The following TNFRSF1B variants were observed in gnomAD, a reference collection of about 807,000 sequenced individuals.
TNFRSF1B encodes the protein TNF receptor superfamily member 1B, also known as tumor necrosis factor receptor superfamily member 1B.
In TNFRSF1B, 19 loss-of-function variants were observed where a neutral mutation model predicts 44.6. The observed-to-expected ratio is 0.43, with a 90% CI of 0.30 to 0.62. The LOEUF (loss-of-function observed/expected upper bound fraction) is 0.62, where lower values mean the gene tolerates loss of function less well. TNFRSF1B is among the 20% of genes least tolerant of loss of function. The probability of loss-of-function intolerance (pLI) is 0.16; values close to 1 mark genes in which losing one functional copy is unlikely to be tolerated. For synonymous variants in TNFRSF1B, 252 were observed against 261.1 expected (o/e 0.97, Z 0.34); for missense variants, 541 against 619.9 (o/e 0.87, Z 1.35).
intron 4 of TNFRSF1B, 52 bp from the exon 5 acceptor site, chr1:12,192,379 G>C (rs768823607): frequency 1.3e-6 from 2 of 1,586,568 alleles, no homozygotes; most frequent in South Asian, 1.1e-5. Context: ...CCAAGGCCCA[G>C]CTGTCCCGCA....
At position 12,167,045 on chromosome 1, in the gene TNFRSF1B, G is replaced by A. The variant is rs946196298; in HGVS notation, c.-47G>A. The A allele has an allele frequency of 7.1e-5, 87 of 1,226,812 alleles. No homozygotes were observed. The East Asian group carries it at 2.8e-3, about 39-fold the overall frequency. The allele number at this position is 1,226,812 out of a possible 1,614,324, so 76.0% of individuals were successfully genotyped here. Reference sequence around the variant, plus strand: ...TGGAGAGAAGGCGCTGGGCTGCGAGGGCGCGAGGGCGCGAGGGCAGGGGGC... The same window carrying A: ...TGGAGAGAAGGCGCTGGGCTGCGAGAGCGCGAGGGCGCGAGGGCAGGGGGC... On this transcript the variant is annotated 5_prime_UTR_variant, in exon 1 of 10. Coordinates refer to ENST00000376259, the MANE Select transcript of TNFRSF1B (RefSeq NM_001066.3).
At chr1:12,194,069 C>T in intron 7 of TNFRSF1B, 37 bp downstream of exon 7, 1 of 1,589,094 alleles carries the variant, frequency 6.3e-7, no homozygotes, top group Non-Finnish European at 8.6e-7. Flanking sequence ...TCCACTTGTT[C>T]AGGAAGCTTT....
Position 12,182,453 on chromosome 1 carries a change from G to A in TNFRSF1B, c.79-6343G>A, listed in dbSNP as rs115537730. On this transcript the variant is annotated intron_variant, in intron 1 of 9. Coordinates refer to ENST00000376259, the MANE Select transcript of TNFRSF1B (RefSeq NM_001066.3). ...CACCACCTTGAATTCTCTATTGAAC[G>A]TGCATGTGTCTCCCCAGCTAAGATG... Among the ~76,000 whole-genome samples, 714 of 152,278 alleles carry A rather than the reference G, an allele frequency of 4.7e-3. 8 individuals are homozygous for A. Among genetic ancestry groups the A allele is most frequent in the African/African-American group, 0.016 (649 of 41,540 alleles).
Position 12,192,235 on chromosome 1 carries a change from T to C in TNFRSF1B, c.458-196T>C, listed in dbSNP as rs938831680. 57 of 710,474 alleles carry C rather than the reference T, an allele frequency of 8.0e-5. 1 individual carries two copies. The South Asian group carries it at 8.4e-4, about 10-fold the overall frequency. 44.0% of individuals were successfully genotyped at this position (710,474 alleles called of 1,614,324 possible). A position where few individuals can be genotyped will look rare whatever the true frequency, so the allele number is the denominator to read the frequency against. On this transcript the variant is annotated intron_variant, in intron 4 of 9. Coordinates refer to ENST00000376259, the MANE Select transcript of TNFRSF1B (RefSeq NM_001066.3). ...ACTCTACAGCCCAATCCCGTGCATG[T>C]GTGTACAGGAATCTGTGTGTGTGCA...
chr1:12,203,763 G>A (rs1025470291), intron 9 of TNFRSF1B, among the ~76,000 whole-genome samples: 1 of 152,144 alleles, frequency 6.6e-6, no homozygotes, highest in Non-Finnish European at 1.5e-5. Flanking sequence ...CGTCGCCTAG[G>A]CTGGAGTGCA....
rs1290509162 is a variant in TNFRSF1B at position 12,177,939 on chromosome 1, G to A, written c.78+10770G>A. Among the ~76,000 whole-genome samples, 1 of 152,202 alleles carries A rather than the reference G, an allele frequency of 6.6e-6. No individual in the cohort carries two copies. Among genetic ancestry groups the A allele is most frequent in the Non-Finnish European group, 1.5e-5 (1 of 68,038 alleles). On this transcript the variant is annotated intron_variant, in intron 1 of 9. Coordinates refer to ENST00000376259, the MANE Select transcript of TNFRSF1B (RefSeq NM_001066.3). This position sits in a 1 kb window ranked among gnomAD's most constrained non-coding sequence, Gnocchi z 4.3. ...GGAACATCATCCCCATTTTACAGAAGAGGCCTTTGAAGCACAGAGATTAAC... is the reference window on the plus strand; with the variant it reads ...GGAACATCATCCCCATTTTACAGAAAAGGCCTTTGAAGCACAGAGATTAAC...
rs763124086 is a variant in TNFRSF1B, at chr1:12,199,507, C to T, written c.901-2460C>T. ...CGTGGCCTCTTGGGGATGGCTTGCA[C>T]GAGATCCCTCCAGTCCTGAGTGAGA... On this transcript the variant is annotated intron_variant, in intron 8 of 9. Coordinates refer to ENST00000376259, the MANE Select transcript of TNFRSF1B (RefSeq NM_001066.3). This position sits in a 1 kb window ranked among gnomAD's most constrained non-coding sequence, Gnocchi z 4.0. Among the ~76,000 whole-genome samples the T allele has an allele frequency of 6.6e-6, 1 of 152,210 alleles. No homozygotes were observed.
At chr1:12,196,959 C>CA (rs1639280294) in intron 8 of TNFRSF1B, among the ~76,000 whole-genome samples, 1 of 143,126 alleles carries the variant, frequency 7.0e-6, no homozygotes, top group Admixed American at 7.0e-5. Context: ...TTCTTTCTTT[C>CA]TTTTTTTTTT....
At chr1:12,183,656 TTATCTATCTATC>T (rs76161807) in intron 1 of TNFRSF1B, among the ~76,000 whole-genome samples, 2,453 of 125,290 alleles carry the variant, frequency 0.02, 80 homozygotes, top group East Asian at 0.072. Context: ...TTTATCTATT[TTATCTATCTATC>T]TATCTATCTA....
intron 1 of TNFRSF1B, among the ~76,000 whole-genome samples, chr1:12,181,277 C>T (rs1454126984): frequency 1.3e-5 from 2 of 152,184 alleles, no homozygotes; most frequent in Non-Finnish European, 2.9e-5. Context: ...TGGCTAAAAC[C>T]AAGGCAGGAA....
Position 12,167,055 on chromosome 1 carries a change from C to A in TNFRSF1B, c.-37C>A, listed in dbSNP as rs1239691628. The stretch of plus-strand genomic sequence containing the variant: ...GCGCTGGGCTGCGAGGGCGCGAGGG[C>A]GCGAGGGCAGGGGGCAACCGGACCC... On this transcript the variant is annotated 5_prime_UTR_variant, in exon 1 of 10. Coordinates refer to ENST00000376259, the MANE Select transcript of TNFRSF1B (RefSeq NM_001066.3). 5 of 1,261,560 alleles carry A rather than the reference C, an allele frequency of 4.0e-6. No homozygotes were observed. The highest frequency in any genetic ancestry group is 5.0e-6 in the Non-Finnish European group (5 of 999,688). 78.1% of individuals were successfully genotyped at this position (1,261,560 alleles called of 1,614,324 possible).
intron 1 of TNFRSF1B, among the ~76,000 whole-genome samples, chr1:12,184,201 A>G (rs512996): frequency 0.22 from 33,148 of 152,176 alleles, 3,739 homozygotes; most frequent in South Asian, 0.26. Context: ...GGGCCCCTGT[A>G]CTGACCAGAG....
At chr1:12,167,434 TG>T in intron 1 of TNFRSF1B, 1 of 440,754 alleles carries the variant, frequency 2.3e-6, no homozygotes, top group Non-Finnish European at 4.1e-6. Flanking sequence ...GGGCGCACCC[TG>T]GTTCCTCCGC....
At position 12,202,155 on chromosome 1, in the gene TNFRSF1B, C is replaced by A. The variant is rs770903229; in HGVS notation, c.1089C>A (p.Ala363=). The A allele has an allele frequency of 6.5e-7, 1 of 1,550,352 alleles. No individual in the cohort carries two copies. Among genetic ancestry groups the A allele is most frequent in the Non-Finnish European group, 8.7e-7 (1 of 1,148,440 alleles). ...CCAGTGGGGCCGGGGAGGCCCGGGC[C>A]AGCACCGGGAGCTCAGGTAAGAGGT... The part of the protein sequence containing the change: ...VEASGAGEAR[A]STGSSDSSPG... Residue 363 remains alanine (A), a synonymous_variant, in exon 9 of 10, where the codon GCC becomes GCA. Coordinates refer to ENST00000376259, the MANE Select transcript of TNFRSF1B (RefSeq NM_001066.3).
chr1:12,190,012 A>G (rs1036410929), intron 2 of TNFRSF1B, among the ~76,000 whole-genome samples: 1 of 152,076 alleles, frequency 6.6e-6, no homozygotes, highest in Non-Finnish European at 1.5e-5. Context: ...GTAGGGGAGG[A>G]GGAGGAAGGA....
Position 12,169,124 on chromosome 1 carries a change from A to C in TNFRSF1B, c.78+1955A>C, listed in dbSNP as rs952908751. Among the ~76,000 whole-genome samples the C allele has an allele frequency of 6.6e-6, 1 of 152,168 alleles. No individual in the cohort carries two copies. The highest frequency in any genetic ancestry group is 2.4e-5 in the African/African-American group (1 of 41,432). ...ATTCTCTCCAGGAAAGCCTTTCCGC[A>C]TTCTCAGTTGGATTTGATCTTCTCT... On this transcript the variant is annotated intron_variant, in intron 1 of 9. Transcript: ENST00000376259. The surrounding 1 kb of genome is among the most constrained non-coding windows in gnomAD (Gnocchi z 4.5).
At chr1:12,170,830 C>A (rs1384262670) in intron 1 of TNFRSF1B, among the ~76,000 whole-genome samples, 1 of 151,078 alleles carries the variant, frequency 6.6e-6, no homozygotes, top group African/African-American at 2.4e-5. Flanking sequence ...CCATGCCCAA[C>A]TAATTTTTTT....
chr1:12,179,918 C>CT (rs917279968), intron 1 of TNFRSF1B, among the ~76,000 whole-genome samples: 1 of 152,174 alleles, frequency 6.6e-6, no homozygotes, highest in Non-Finnish European at 1.5e-5. Context: ...ACAGTAGGTA[C>CT]TTTTCCTGGA....
intron 8 of TNFRSF1B, among the ~76,000 whole-genome samples, chr1:12,198,988 C>T (rs888352727): frequency 8.5e-5 from 13 of 152,104 alleles, no homozygotes; most frequent in Non-Finnish European, 1.5e-4. Context: ...CCACTGCGCC[C>T]GGCCCTGGGA....
Sources: gnomAD v4.1 joint callset for allele counts (sites outside exome capture counted in the v4.1 genomes callset) on GRCh38, gnomAD v4.1.1 for gene constraint, Gnocchi (gnomAD v3.1) non-coding constraint, MANE v1.5 for transcripts, NCBI Gene and HGNC (gene_info 2026-07-23, HGNC 2026-07-21) for gene names.